ARHGEF10: variants seen among roughly 807,000 people sequenced by gnomAD.
The protein encoded by ARHGEF10 is Rho guanine nucleotide exchange factor (GEF) 10.
Under a neutral mutation model 147.4 loss-of-function variants are expected in ARHGEF10, and 140 were observed. The ratio of observed to expected loss-of-function variants is 0.95; its 90% confidence interval spans 0.83 to 1.09. The LOEUF is 1.09. ARHGEF10 is among the 50% of genes least tolerant of loss of function. The pLI is 0.00. For synonymous variants in ARHGEF10, 902 were observed against 695.8 expected, an observed-to-expected ratio of 1.30 and a Z score of -4.67; for missense variants, 2,222 against 1,752.7, an observed-to-expected ratio of 1.27 and a Z score of -4.78.
In ARHGEF10 at chr8:1,862,239, C is replaced by T. The variant is rs144619868; in HGVS notation, c.481+2055C>T. Among the ~76,000 whole-genome samples the T allele has an allele frequency of 5.3e-3, 814 of 152,354 alleles. 8 individuals carry two copies. The highest frequency in any genetic ancestry group is 0.017 in the African/African-American group (727 of 41,584). On this transcript the variant is annotated intron_variant, in intron 4 of 28. Transcript: ENST00000349830. Reference sequence around the variant, plus strand: ...TGGAGCCTCCCTGGGGCGGGGCGGCCGCCTGGCTCTGCAGGGCTTCCCCGG... The same window carrying T: ...TGGAGCCTCCCTGGGGCGGGGCGGCTGCCTGGCTCTGCAGGGCTTCCCCGG...
chr8:1,942,724 T>C (rs1814207526), intron 26 of ARHGEF10, among the ~76,000 whole-genome samples: 1 of 152,206 alleles, frequency 6.6e-6, no homozygotes, highest in Non-Finnish European at 1.5e-5. Flanking sequence ...CAGAATGTGG[T>C]TCCTTCATAC....
In ARHGEF10 at chr8:1,909,322, C is replaced by T. The variant is rs1811169833; in HGVS notation, c.1995C>T (p.Ser665=). The change falls in exon 18 of 29, where the codon AGC becomes AGT. Residue 665 remains serine (S), a synonymous_variant. Coordinates refer to ENST00000349830, the MANE Select transcript of ARHGEF10 (RefSeq NM_014629.4). ...SRPSHDSRVM[S]SQRYLLKWSV... is the part of the protein sequence containing the mutation. ...CCTCTCATGACAGCCGTGTGATGAGCAGCCAGAGGTACTTGCTGAAGTGGA... is the reference window on the plus strand; with the variant it reads ...CCTCTCATGACAGCCGTGTGATGAGTAGCCAGAGGTACTTGCTGAAGTGGA... 1.3e-5 allele frequency: 21 copies of T among 1,614,102 alleles called. No homozygotes were observed. The highest frequency in any genetic ancestry group is 1.7e-5 in the Non-Finnish European group (20 of 1,180,048).
At chr8:1,912,259 C>T (rs1028376132) in intron 18 of ARHGEF10, among the ~76,000 whole-genome samples, 33 of 148,288 alleles carry the variant, frequency 2.2e-4, no homozygotes, top group African/African-American at 1.8e-4. Flanking sequence ...GTGCGTTTGC[C>T]GTGCGGTATT....
intron 1 of ARHGEF10, among the ~76,000 whole-genome samples, chr8:1,826,398 G>A (rs1276971478): frequency 7.7e-6 from 1 of 129,482 alleles, no homozygotes; most frequent in Non-Finnish European, 1.7e-5. Context: ...GTGTGCGTGT[G>A]TTTGTGTGTG....
chr8:1,871,475 CTATA>C (rs1338820011), intron 7 of ARHGEF10, among the ~76,000 whole-genome samples: 1 of 151,940 alleles, frequency 6.6e-6, no homozygotes, highest in Non-Finnish European at 1.5e-5. Flanking sequence ...ATTACATAAA[CTATA>C]TGGGATAGAT....
intron 10 of ARHGEF10, among the ~76,000 whole-genome samples, chr8:1,883,016 G>A (rs547537739): frequency 1.4e-3 from 211 of 152,304 alleles, no homozygotes; most frequent in African/African-American, 4.8e-3. Context: ...GAAGGGCTGT[G>A]CAGGGGCCTC....
chr8:1,928,343 G>C, intron 23 of ARHGEF10, 84 bp from the exon 24 acceptor site: 1 of 1,247,080 alleles, frequency 8.0e-7, no homozygotes, highest in Non-Finnish European at 1.2e-6. Context: ...GAAGCTTGTC[G>C]TGGCCTTTAA....
chr8:1,857,865 A>G (rs1258824708), intron 2 of ARHGEF10, 95 bp from the exon 3 acceptor site: 1 of 1,175,316 alleles, frequency 8.5e-7, no homozygotes, highest in Non-Finnish European at 1.2e-6. Flanking sequence ...GTCTCTGGCT[A>G]ACATAGATCG....
At chr8:1,879,509 G>C (rs1343662240) in intron 8 of ARHGEF10, among the ~76,000 whole-genome samples, 4 of 151,910 alleles carry the variant, frequency 2.6e-5, no homozygotes, top group African/African-American at 9.7e-5. Context: ...TGTCTGGATA[G>C]TGTCTGTCTT....
intron 9 of ARHGEF10, among the ~76,000 whole-genome samples, chr8:1,881,633 C>T (rs1412124134): frequency 6.6e-6 from 1 of 152,120 alleles, no homozygotes; most frequent in African/African-American, 2.4e-5. Flanking sequence ...GGGTGTGAGG[C>T]CGTGCGTGTT....
At chr8:1,911,106 A>G (rs1447738774) in intron 18 of ARHGEF10, among the ~76,000 whole-genome samples, 2 of 152,234 alleles carry the variant, frequency 1.3e-5, no homozygotes. Flanking sequence ...AGCCACAGCA[A>G]GAGGAGAAAC....
chr8:1,848,794 T>C (rs1272055209), intron 2 of ARHGEF10, among the ~76,000 whole-genome samples: 1 of 152,216 alleles, frequency 6.6e-6, no homozygotes, highest in African/African-American at 2.4e-5. Context: ...TTTTTCCCCT[T>C]GAAGCAAACT....
At chr8:1,914,276 C>T (rs958355622) in intron 18 of ARHGEF10, among the ~76,000 whole-genome samples, 6 of 152,224 alleles carry the variant, frequency 3.9e-5, no homozygotes, top group African/African-American at 1.4e-4. Context: ...GAGCTGCATC[C>T]TCCAGGGATG....
At chr8:1,908,433 T>C (rs35766118) in intron 17 of ARHGEF10, among the ~76,000 whole-genome samples, 23,164 of 151,920 alleles carry the variant, frequency 0.15, 3,064 homozygotes, top group African/African-American at 0.36. Flanking sequence ...GGGGTGTCAC[T>C]GTGTTAGCCA....
At chr8:1,891,454 TCTTTA>T (rs1212874473) in intron 11 of ARHGEF10, among the ~76,000 whole-genome samples, 1 of 152,196 alleles carries the variant, frequency 6.6e-6, no homozygotes, top group African/African-American at 2.4e-5. Flanking sequence ...GAAGGGTCGT[TCTTTA>T]CTTGGAAAGT....
chr8:1,889,283 GGGT>G (rs1809167024), intron 11 of ARHGEF10, among the ~76,000 whole-genome samples: 1 of 83,912 alleles, frequency 1.2e-5, no homozygotes. Context: ...AATGTGGTGA[GGGT>G]TTGTGAGGAG....
chr8:1,923,423 A>T, intron 19 of ARHGEF10, 45 bp from the exon 20 acceptor site: 4 of 1,613,580 alleles, frequency 2.5e-6, no homozygotes, highest in Non-Finnish European at 3.4e-6. Context: ...GGATGGCCCT[A>T]GTTTTTAAAC....
At chr8:1,878,627 G>T (rs191582036) in intron 8 of ARHGEF10, among the ~76,000 whole-genome samples, 2 of 152,134 alleles carry the variant, frequency 1.3e-5, no homozygotes, top group African/African-American at 4.8e-5. Context: ...GCCTCGGAGC[G>T]TGGGTTAAAT....
chr8:1,885,773 G>A (rs984551454), intron 11 of ARHGEF10, 66 bp downstream of exon 11: 1 of 1,246,056 alleles, frequency 8.0e-7, no homozygotes, highest in Non-Finnish European at 1.2e-6. Context: ...AAATATTTGT[G>A]TGTTTGATGC....
Sources: allele counts gnomAD v4.1 joint callset (sites outside exome capture counted in the v4.1 genomes callset), GRCh38; gene constraint gnomAD v4.1.1; transcripts MANE v1.5; gene names NCBI Gene and HGNC (gene_info 2026-07-23, HGNC 2026-07-21).